Variants in CISD1 observed in about 807,000 individuals in gnomAD.
CISD1 encodes CDGSH iron sulfur domain 1, also known as CDGSH iron-sulfur domain-containing protein 1.
Under a neutral mutation model 12.0 loss-of-function variants are expected in CISD1, and 8 were observed. The ratio of observed to expected loss-of-function variants is 0.67; its 90% CI spans 0.39 to 1.20. The LOEUF (loss-of-function observed/expected upper bound fraction) is 1.20, where lower values mean the gene tolerates loss of function less well. Among genes scored for constraint, CISD1 ranks in the 50% most tolerant of loss-of-function variants. The probability of loss-of-function intolerance (pLI) is 0.01; values close to 1 mark genes in which losing one functional copy is unlikely to be tolerated. For missense variants in CISD1, 107 were observed against 132.7 expected (o/e 0.81, Z 0.95); for synonymous variants, 38 against 42.2 (o/e 0.90, Z 0.39).
chr10:58,282,444 A>C (rs1158117150), intron 2 of CISD1, among the ~76,000 whole-genome samples: 1 of 152,222 alleles, frequency 6.6e-6, no homozygotes, highest in Non-Finnish European at 1.5e-5. Context: ...TTGATTGCAA[A>C]TAATACCTAA....
chr10:58,286,336 C>T (rs1564547951), intron 2 of CISD1, among the ~76,000 whole-genome samples: 2 of 152,062 alleles, frequency 1.3e-5, no homozygotes, highest in East Asian at 3.9e-4. Flanking sequence ...TAAATAGGTG[C>T]TTTTACATGT....
At chr10:58,269,617 A>T (rs953267571) in intron 1 of CISD1, among the ~76,000 whole-genome samples, 6 of 152,224 alleles carry the variant, frequency 3.9e-5, no homozygotes, top group African/African-American at 1.4e-4. Flanking sequence ...CATGTCCTTA[A>T]GTCACATAGC....
At position 58,289,221 on chromosome 10, in the gene CISD1, A is replaced by G. The variant is rs1839462691; in HGVS notation, c.*1571A>G. Reference sequence around the variant, plus strand: ...AAACAGAGCAATCATGCTTTTAAAGATGAACTGTTTTAAAGAAAAATAAAT... The same window carrying G: ...AAACAGAGCAATCATGCTTTTAAAGGTGAACTGTTTTAAAGAAAAATAAAT... On this transcript the variant is annotated 3_prime_UTR_variant, in exon 3 of 3. Transcript: ENST00000333926. 1.3e-5 allele frequency: 2 copies of G among 152,236 alleles called. No individual in the cohort carries two copies. The highest frequency in any genetic ancestry group is 4.1e-4 in the South Asian group (2 of 4,836). The allele number at this position is 152,236 out of a possible 1,614,324, so 9.4% of individuals were successfully genotyped here.
intron 2 of CISD1, among the ~76,000 whole-genome samples, chr10:58,281,603 C>T (rs892421438): frequency 3.3e-5 from 5 of 152,340 alleles, no homozygotes; most frequent in African/African-American, 9.6e-5. Flanking sequence ...CACACTTAAA[C>T]GCCAGTTCAC....
At position 58,289,539 on chromosome 10, in the gene CISD1, T is replaced by G. The variant is rs1372586519; in HGVS notation, c.*1889T>G. 1.3e-5 allele frequency: 2 copies of G among 152,078 alleles called. No homozygotes were observed. The highest frequency in any genetic ancestry group is 2.9e-5 in the Non-Finnish European group (2 of 67,924). The allele number at this position is 152,078 out of a possible 1,614,324, so 9.4% of individuals were successfully genotyped here. A position where few individuals can be genotyped will look rare whatever the true frequency, so the allele number is the denominator to read the frequency against. ...TGTTTACATGCTTTTGAACTAGCAT[T>G]CATTTATGATTAAAACCCTTTTCAG... On this transcript the variant is annotated 3_prime_UTR_variant, in exon 3 of 3. Transcript: ENST00000333926.
At chr10:58,269,954 C>T (rs895748759) in intron 1 of CISD1, among the ~76,000 whole-genome samples, 2 of 152,116 alleles carry the variant, frequency 1.3e-5, no homozygotes, top group African/African-American at 2.4e-5. Flanking sequence ...CAGTATTTCG[C>T]AGAAAGTCCC....
At chr10:58,272,613 T>C (rs909299285) in intron 1 of CISD1, among the ~76,000 whole-genome samples, 1 of 152,168 alleles carries the variant, frequency 6.6e-6, no homozygotes, top group Non-Finnish European at 1.5e-5. Context: ...CTATAAGTTA[T>C]AAACAATAAA....
At chr10:58,286,393 G>A (rs1839430438) in intron 2 of CISD1, among the ~76,000 whole-genome samples, 3 of 152,122 alleles carry the variant, frequency 2.0e-5, no homozygotes, top group Non-Finnish European at 4.4e-5. Flanking sequence ...AATGTGGGAA[G>A]CAATAGCCTC....
At chr10:58,271,350 T>C (rs1839246731) in intron 1 of CISD1, among the ~76,000 whole-genome samples, 2 of 152,192 alleles carry the variant, frequency 1.3e-5, no homozygotes, top group Admixed American at 1.3e-4. Flanking sequence ...GACTATTTTT[T>C]ATTTCACCAA....
rs190315822 is a variant in CISD1 at position 58,275,214 on chromosome 10, G to A, written c.32-1903G>A. Among the ~76,000 whole-genome samples the A allele has an allele frequency of 5.3e-5, 8 of 152,304 alleles. No individual in the cohort carries two copies. In the East Asian group the frequency reaches 1.5e-3, roughly 29 times the overall value. ...TGTGGTGCATATACTATGCAAAGCA[G>A]CATTTTCGCCCATTTTGTGATAGGT... On this transcript the variant is annotated intron_variant, in intron 1 of 2. Transcript: ENST00000333926.
chr10:58,276,590 T>G (rs973212083), intron 1 of CISD1, among the ~76,000 whole-genome samples: 4 of 151,896 alleles, frequency 2.6e-5, no homozygotes, highest in African/African-American at 9.7e-5. Flanking sequence ...TTGGGTATCA[T>G]TTCTCTTACA....
At chr10:58,274,053 G>A (rs1263970330) in intron 1 of CISD1, among the ~76,000 whole-genome samples, 1 of 152,084 alleles carries the variant, frequency 6.6e-6, no homozygotes, top group African/African-American at 2.4e-5. Context: ...AGAATTGCTT[G>A]AACCCAGGAG....
intron 1 of CISD1, among the ~76,000 whole-genome samples, chr10:58,271,151 T>C (rs1023902506): frequency 4.7e-5 from 7 of 149,540 alleles, no homozygotes; most frequent in Admixed American, 1.3e-4. Context: ...GCCATTCTCC[T>C]GCCTCAGCCT....
At chr10:58,285,644 CTTCT>C (rs1339239165) in intron 2 of CISD1, among the ~76,000 whole-genome samples, 1 of 152,050 alleles carries the variant, frequency 6.6e-6, no homozygotes, top group Non-Finnish European at 1.5e-5. Flanking sequence ...ATAATTATTC[CTTCT>C]AAGTGTAAAA....
chr10:58,273,115 A>G (rs1839268296), intron 1 of CISD1, among the ~76,000 whole-genome samples: 1 of 152,102 alleles, frequency 6.6e-6, no homozygotes, highest in African/African-American at 2.4e-5. Flanking sequence ...TTTGTTTTTA[A>G]TATATGTATC....
At chr10:58,279,293 A>G (rs1839349401) in intron 2 of CISD1, among the ~76,000 whole-genome samples, 1 of 152,220 alleles carries the variant, frequency 6.6e-6, no homozygotes, top group Non-Finnish European at 1.5e-5. Flanking sequence ...AGATAACCTC[A>G]TTATGTATAT....
intron 2 of CISD1, among the ~76,000 whole-genome samples, chr10:58,278,497 T>G (rs1839339611): frequency 6.6e-6 from 1 of 151,982 alleles, no homozygotes; most frequent in Admixed American, 6.6e-5. Context: ...ACGCTGTGAT[T>G]GCATCACACT....
chr10:58,269,765 AT>A (rs199781316), intron 1 of CISD1, among the ~76,000 whole-genome samples: 2 of 151,492 alleles, frequency 1.3e-5, no homozygotes, highest in Admixed American at 1.3e-4. Flanking sequence ...AGTTTTGCAG[AT>A]TTTTTTTTAA....
chr10:58,283,099 T>C (rs1299522874), intron 2 of CISD1: 1 of 151,498 alleles, frequency 6.6e-6, no homozygotes, highest in Non-Finnish European at 1.5e-5. Context: ...TTTGAGTTAA[T>C]GATACTTTTG....
Sources: gnomAD v4.1 joint callset for allele counts (sites outside exome capture counted in the v4.1 genomes callset) on GRCh38, gnomAD v4.1.1 for gene constraint, MANE v1.5 for transcripts, NCBI Gene and HGNC (gene_info 2026-07-23, HGNC 2026-07-21) for gene names.